The following POLK variants were observed in gnomAD, a reference collection of about 807,000 sequenced individuals.
The protein encoded by POLK is polymerase (DNA directed) kappa.
A neutral mutation model predicts 94.0 loss-of-function variants in POLK; 76 were observed. The ratio of observed to expected loss-of-function variants is 0.81; its 90% CI spans 0.67 to 0.98. The LOEUF is 0.98. Among genes scored for constraint, POLK ranks in the 50% least tolerant of loss-of-function variants. The pLI is 0.00. For synonymous variants in POLK, 349 were observed against 325.4 expected (o/e 1.07, Z -0.78); for missense variants, 954 against 1,010.1 (o/e 0.94, Z 0.75).
chr5:75,519,244 C>T (rs778515225), intron 1 of POLK, among the ~76,000 whole-genome samples: 3 of 152,152 alleles, frequency 2.0e-5, no homozygotes, highest in Non-Finnish European at 4.4e-5. Context: ...ATTGTGGTTA[C>T]AAAAGATATG....
intron 1 of POLK, among the ~76,000 whole-genome samples, chr5:75,536,220 GC>G (rs1769437554): frequency 6.6e-6 from 1 of 152,140 alleles, no homozygotes; most frequent in Admixed American, 6.5e-5. Context: ...TCTTGGAGGA[GC>G]GCTCTCTGAT....
exon 13 of POLK, chr5:75,597,160 G>C: frequency 6.4e-7 from 1 of 1,568,172 alleles, no homozygotes; most frequent in Non-Finnish European, 8.8e-7. Flanking sequence ...TCAACCCAAA[G>C]AAAGCTCCAG....
In POLK at chr5:75,572,606, G is replaced by A. The variant is rs963005; in HGVS notation, c.409-1132G>A. Among the ~76,000 whole-genome samples the A allele has an allele frequency of 2.5e-3, 376 of 152,130 alleles. 1 individual carries two copies. Among genetic ancestry groups the A allele is most frequent in the South Asian group, 0.024 (116 of 4,820 alleles). ...TTGATATTCATTCTATAATAAGTAT[G>A]CCTTAAAACCAATGAAGTTTAGTTG... On this transcript the variant is annotated intron_variant, in intron 4 of 14. Transcript: ENST00000241436.
exon 15 of POLK, chr5:75,598,529 A>G (rs1773204087): frequency 6.6e-6 from 1 of 152,602 alleles, no homozygotes; most frequent in Non-Finnish European, 1.5e-5. Context: ...TCACAGTATT[A>G]TCTGTGTTAA....
At chr5:75,540,426 C>T (rs1769679312) in intron 1 of POLK, among the ~76,000 whole-genome samples, 1 of 152,016 alleles carries the variant, frequency 6.6e-6, no homozygotes. Flanking sequence ...CCTGCCTCAG[C>T]CTCCCGAGTA....
intron 11 of POLK, among the ~76,000 whole-genome samples, chr5:75,590,817 T>C (rs761402208): frequency 5.9e-5 from 9 of 152,188 alleles, no homozygotes; most frequent in Non-Finnish European, 1.0e-4. Context: ...TTTCCAATCA[T>C]CCTTTAATGT....
At chr5:75,513,508 A>G (rs559573470) in intron 1 of POLK, among the ~76,000 whole-genome samples, 6 of 152,338 alleles carry the variant, frequency 3.9e-5, no homozygotes, top group Admixed American at 2.0e-4. Flanking sequence ...ACATTCGAGA[A>G]TAAGACAGTG....
chr5:75,522,737 C>T (rs1768647149), intron 1 of POLK, among the ~76,000 whole-genome samples: 1 of 151,632 alleles, frequency 6.6e-6, no homozygotes, highest in Non-Finnish European at 1.5e-5. Context: ...TAGGATGATG[C>T]AATACTAAAA....
At chr5:75,536,981 C>T (rs1004513852) in intron 1 of POLK, among the ~76,000 whole-genome samples, 1 of 152,156 alleles carries the variant, frequency 6.6e-6, no homozygotes, top group Non-Finnish European at 1.5e-5. Context: ...GACTGCTGGG[C>T]TAGAAGCTCT....
intron 1 of POLK, among the ~76,000 whole-genome samples, chr5:75,521,393 T>A (rs1768579305): frequency 6.6e-6 from 1 of 152,156 alleles, no homozygotes; most frequent in Non-Finnish European, 1.5e-5. Flanking sequence ...CTCTAATGAA[T>A]TTTTTAGTTC....
intron 7 of POLK, chr5:75,582,360 A>G (rs1772235370): frequency 6.5e-6 from 1 of 152,728 alleles, no homozygotes; most frequent in African/African-American, 2.4e-5. Context: ...GAAGATCTAT[A>G]TAACAATTAA....
At chr5:75,590,885 C>T (rs1772747465) in intron 11 of POLK, among the ~76,000 whole-genome samples, 1 of 152,034 alleles carries the variant, frequency 6.6e-6, no homozygotes, top group African/African-American at 2.4e-5. Context: ...GGTTGTAGTC[C>T]AGGTTGCTTA....
exon 13 of POLK, chr5:75,596,305 C>A: frequency 6.2e-7 from 1 of 1,613,298 alleles, no homozygotes; most frequent in Non-Finnish European, 8.5e-7. Context: ...GGCTGGAAAC[C>A]AAGCCCTGTC....
chr5:75,560,465 G>T (rs1414180030), intron 3 of POLK, among the ~76,000 whole-genome samples: 1 of 152,116 alleles, frequency 6.6e-6, no homozygotes, highest in African/African-American at 2.4e-5. Flanking sequence ...CTAATGAGTT[G>T]CAGTGCTAGG....
upstream of POLK, chr5:75,511,658 C>T: frequency 6.6e-7 from 1 of 1,514,664 alleles, no homozygotes; most frequent in Non-Finnish European, 8.9e-7. Flanking sequence ...CTTTCCCCTC[C>T]CCTTCGTCCT....
chr5:75,563,636 C>T (rs377198090), intron 3 of POLK, among the ~76,000 whole-genome samples: 2 of 152,132 alleles, frequency 1.3e-5, no homozygotes, highest in East Asian at 3.8e-4. Context: ...TTACTTATTT[C>T]TGCCTTAATT....
intron 6 of POLK, among the ~76,000 whole-genome samples, chr5:75,578,174 G>T (rs546121500): frequency 6.6e-6 from 1 of 151,410 alleles, no homozygotes; most frequent in South Asian, 2.1e-4. Context: ...TCTTTTTTTT[G>T]AGATAGGGTC....
chr5:75,596,973 A>T, exon 13 of POLK: 1 of 1,613,824 alleles, frequency 6.2e-7, no homozygotes. Flanking sequence ...GATCATTTAG[A>T]CAAGAATACC....
intron 3 of POLK, among the ~76,000 whole-genome samples, chr5:75,566,094 G>T (rs910076938): frequency 3.3e-5 from 5 of 152,200 alleles, no homozygotes; most frequent in African/African-American, 7.2e-5. Flanking sequence ...AGGCAGTCTG[G>T]CTACAGTGGC....
Sources: allele counts gnomAD v4.1 joint callset (sites outside exome capture counted in the v4.1 genomes callset), GRCh38; gene constraint gnomAD v4.1.1; transcripts MANE v1.5; gene names NCBI Gene and HGNC (gene_info 2026-07-23, HGNC 2026-07-21).